The following RPS6KA2 variants were observed in gnomAD, a reference collection of about 807,000 sequenced individuals.
The protein encoded by RPS6KA2 is ribosomal protein S6 kinase alpha-2.
Under a neutral mutation model 91.8 loss-of-function variants are expected in RPS6KA2, and 42 were observed. The observed-to-expected ratio is 0.46, with a 90% CI of 0.36 to 0.59. The LOEUF is 0.59. Ranked by LOEUF, RPS6KA2 falls within the 20% of genes least tolerant of loss-of-function variation. The probability of loss-of-function intolerance (pLI) is 0.00; values close to 1 mark genes in which losing one functional copy is unlikely to be tolerated. For synonymous variants in RPS6KA2, 414 were observed against 393.6 expected, an observed-to-expected ratio of 1.05 and a Z score of -0.61; for missense variants, 798 against 978.5, an observed-to-expected ratio of 0.82 and a Z score of 2.46.
At chr6:166,698,721 G>A (rs1467553476) in intron 2 of RPS6KA2, among the ~76,000 whole-genome samples, 1 of 152,212 alleles carries the variant, frequency 6.6e-6, no homozygotes, top group Non-Finnish European at 1.5e-5. Context: ...GGAAGAAGCT[G>A]CTGGCAGGAA....
chr6:166,544,598 A>G (rs957286047), intron 1 of RPS6KA2: 1 of 152,248 alleles, frequency 6.6e-6, no homozygotes, highest in Non-Finnish European at 1.5e-5. Context: ...TGGGCATCTT[A>G]CTATTCAAGG....
intron 2 of RPS6KA2, among the ~76,000 whole-genome samples, chr6:166,695,565 C>T (rs374438215): frequency 1.2e-4 from 19 of 152,350 alleles, no homozygotes; most frequent in African/African-American, 4.6e-4. Flanking sequence ...AGGTCCATGG[C>T]TTGTAGGAAC....
At chr6:166,520,130 C>T (rs1782801738) in intron 3 of RPS6KA2, among the ~76,000 whole-genome samples, 1 of 152,194 alleles carries the variant, frequency 6.6e-6, no homozygotes, top group East Asian at 1.9e-4. Context: ...GACATCAGTG[C>T]CTGGTTCTTG....
intron 1 of RPS6KA2, among the ~76,000 whole-genome samples, chr6:166,569,746 G>A (rs1274353433): frequency 3.9e-5 from 6 of 152,170 alleles, no homozygotes; most frequent in Non-Finnish European, 5.9e-5. Context: ...ACGGTGATTC[G>A]GGACAGCAAG....
chr6:166,828,661 T>C (rs1780106424), intron 2 of RPS6KA2, among the ~76,000 whole-genome samples: 1 of 152,194 alleles, frequency 6.6e-6, no homozygotes, highest in East Asian at 1.9e-4. Context: ...CTCTATATCA[T>C]ACACAAAAAT....
chr6:166,823,186 A>T (rs1218395618), intron 2 of RPS6KA2, among the ~76,000 whole-genome samples: 1 of 152,210 alleles, frequency 6.6e-6, no homozygotes. Flanking sequence ...AAGATCCAGA[A>T]TGCCCAGAAC....
Position 166,412,961 on chromosome 6 carries a change from T to G in RPS6KA2, c.2077-74A>C, listed in dbSNP as rs1052007763. ...GTTGAGCCGGAGCCCGGGGCCTCCA[T>G]GGGCCTCAGCTGCCCCCAGGCAACG... is the stretch of plus-strand genomic sequence containing the variant. On this transcript the variant is annotated intron_variant, in intron 20 of 20. Coordinates refer to ENST00000265678, the MANE Select transcript of RPS6KA2 (RefSeq NM_021135.6). The surrounding 1 kb of genome is among the most constrained non-coding windows in gnomAD (Gnocchi z 4.3). The G allele has an allele frequency of 6.9e-7, 1 of 1,439,496 alleles. No homozygotes were observed. Among genetic ancestry groups the G allele is most frequent in the Non-Finnish European group, 9.2e-7 (1 of 1,082,818 alleles). The allele number at this position is 1,439,496 out of a possible 1,614,324, so 89.2% of individuals were successfully genotyped here.
rs539415368 is a variant in RPS6KA2, at chr6:166,770,729, C to T, written c.123+87471G>A. The T allele has an allele frequency of 6.8e-5, 56 of 820,104 alleles. No individual in the cohort carries two copies. The Admixed American group carries it at 9.2e-4, about 13-fold the overall frequency. The allele number at this position is 820,104 out of a possible 1,614,324, so 50.8% of individuals were successfully genotyped here. On this transcript the variant is annotated intron_variant, in intron 2 of 21. Transcript: ENST00000503859. The surrounding 1 kb of genome is among the most constrained non-coding windows in gnomAD (Gnocchi z 5.1). ...GTGGTCCAGCCTTCTAAAAGCTCTT[C>T]GCACCTTGCCTTGCTGGACTCCGGG... is the stretch of plus-strand genomic sequence containing the variant.
chr6:166,693,553 T>C (rs956820870), intron 2 of RPS6KA2, among the ~76,000 whole-genome samples: 8 of 152,212 alleles, frequency 5.3e-5, no homozygotes, highest in Non-Finnish European at 1.0e-4. Flanking sequence ...TTAGCCAGGA[T>C]CTCTCGCCTG....
intron 3 of RPS6KA2, among the ~76,000 whole-genome samples, chr6:166,516,990 T>G (rs574689405): frequency 9.6e-4 from 147 of 152,344 alleles, no homozygotes; most frequent in African/African-American, 3.4e-3. Flanking sequence ...GAACATTGTT[T>G]AGCCACATGT....
intron 2 of RPS6KA2, among the ~76,000 whole-genome samples, chr6:166,832,075 T>C (rs1353272518): frequency 6.7e-6 from 1 of 150,322 alleles, no homozygotes; most frequent in Non-Finnish European, 1.5e-5. Flanking sequence ...GATAGATAGA[T>C]AGATAGATAT....
chr6:166,833,425 C>T (rs1359555536), intron 2 of RPS6KA2, among the ~76,000 whole-genome samples: 4 of 152,178 alleles, frequency 2.6e-5, no homozygotes, highest in South Asian at 4.1e-4. Flanking sequence ...TACCTACAGG[C>T]GAATTCACTT....
rs1047801020 is a variant in RPS6KA2 at position 166,825,246 on chromosome 6, T to TGATC, written c.123+32953_123+32954insGATC. 2.0e-5 allele frequency among the ~76,000 whole-genome samples: 3 copies of TGATC among 152,120 alleles called. No individual in the cohort carries two copies. The highest frequency in any genetic ancestry group is 7.2e-5 in the African/African-American group (3 of 41,408). ...GGGCAAAGGGGAGTGATCCCATGAG[T>TGATC]CCCGAGAATAAAAGGCAGGGCTGAT... On this transcript the variant is annotated intron_variant, in intron 2 of 21. Transcript: ENST00000503859. The surrounding 1 kb of genome is among the most constrained non-coding windows in gnomAD (Gnocchi z 4.1).
rs58712416 is a variant in RPS6KA2 at position 166,510,554 on chromosome 6, CATATATATATAT to C, written c.299-209_299-198del. ...TTTAATACATTTGCTTTCTCTCTCT[CATATATATATAT>C]ATATATATATATATATATATATATA... On this transcript the variant is annotated intron_variant, in intron 3 of 20. Coordinates refer to ENST00000265678, the MANE Select transcript of RPS6KA2 (RefSeq NM_021135.6). Among the ~76,000 whole-genome samples, 719 of 78,484 alleles carry C rather than the reference CATATATATATAT, an allele frequency of 9.2e-3. 6 individuals are homozygous for C. The highest frequency in any genetic ancestry group is 0.01 in the African/African-American group (187 of 18,126). The allele number at this position is 78,484 out of a possible 152,430, so 51.5% of individuals were successfully genotyped here.
At chr6:166,443,749 TAC>T (rs1779593101) in intron 14 of RPS6KA2, among the ~76,000 whole-genome samples, 2 of 152,230 alleles carry the variant, frequency 1.3e-5, no homozygotes, top group Admixed American at 1.3e-4. Flanking sequence ...TAAATTTTGA[TAC>T]ATTTTAAGTT....
intron 19 of RPS6KA2, among the ~76,000 whole-genome samples, chr6:166,417,807 T>C (rs1429490667): frequency 1.3e-5 from 2 of 152,192 alleles, no homozygotes; most frequent in Non-Finnish European, 2.9e-5. Flanking sequence ...GGCTCATACC[T>C]GTAATCCCAG....
chr6:166,680,436 C>T lies in RPS6KA2; in HGVS notation c.124-141652G>A, dbSNP rs536447493. 5.9e-5 allele frequency among the ~76,000 whole-genome samples: 9 copies of T among 152,322 alleles called. 1 individual carries two copies. In the South Asian group the frequency reaches 1.2e-3, roughly 21 times the overall value. On this transcript the variant is annotated intron_variant, in intron 2 of 21. Transcript: ENST00000503859. ...AGGCCGCCCCAGCCAGGAGACCTACCTGCTCTGGTCCCCTTCCACGTTGTG... is the reference window on the plus strand; with the variant it reads ...AGGCCGCCCCAGCCAGGAGACCTACTTGCTCTGGTCCCCTTCCACGTTGTG...
intron 2 of RPS6KA2, among the ~76,000 whole-genome samples, chr6:166,711,212 AG>A (rs1346398378): frequency 3.3e-5 from 5 of 150,924 alleles, no homozygotes; most frequent in African/African-American, 1.2e-4. Context: ...AAGCAGGAAT[AG>A]CCCCACAACT....
chr6:166,466,898 C>CCTTACTCACTCCCTCA (rs149393454), intron 11 of RPS6KA2, among the ~76,000 whole-genome samples: 3 of 150,198 alleles, frequency 2.0e-5, no homozygotes, highest in Non-Finnish European at 3.0e-5. Flanking sequence ...TCACTCACTC[C>CCTTACTCACTCCCTCA]CTCATTCACT....
Sources: gnomAD v4.1 joint callset for allele counts (sites outside exome capture counted in the v4.1 genomes callset) on GRCh38, gnomAD v4.1.1 for gene constraint, Gnocchi (gnomAD v3.1) non-coding constraint, MANE v1.5 for transcripts, NCBI Gene and HGNC (gene_info 2026-07-23, HGNC 2026-07-21) for gene names.